Variants in MROH2A observed in about 807,000 individuals in gnomAD.
MROH2A encodes maestro heat-like repeat-containing protein family member 2A.
Under a neutral mutation model 200.4 loss-of-function variants are expected in MROH2A, and 174 were observed. The observed-to-expected ratio is 0.87, with a 90% CI of 0.77 to 0.98. The LOEUF (loss-of-function observed/expected upper bound fraction) is 0.98. MROH2A is among the 50% of genes least tolerant of loss of function. The pLI is 0.00. For synonymous variants in MROH2A, 829 were observed against 840.4 expected, an observed-to-expected ratio of 0.99 and a Z score of 0.23; for missense variants, 2,045 against 2,139.6, an observed-to-expected ratio of 0.96 and a Z score of 0.87.
intron 17 of MROH2A, 110 bp downstream of exon 17, chr2:233,804,302 A>C (rs532596064): frequency 4.1e-6 from 6 of 1,461,694 alleles, no homozygotes; most frequent in Middle Eastern, 2.1e-4. Flanking sequence ...GTTGACCCAC[A>C]CAGCCAGCCC....
At chr2:233,816,109 C>T (rs1399488206) in intron 26 of MROH2A, among the ~76,000 whole-genome samples, 2 of 152,048 alleles carry the variant, frequency 1.3e-5, no homozygotes. Flanking sequence ...TGCCCAGATA[C>T]CATCTATCTT....
intron 3 of MROH2A, among the ~76,000 whole-genome samples, chr2:233,788,651 T>C (rs1701521415): frequency 6.6e-6 from 1 of 151,910 alleles, no homozygotes; most frequent in African/African-American, 2.4e-5. Context: ...TAAGAGTGGC[T>C]TGTCAGCCGG....
In MROH2A at chr2:233,819,519, G is replaced by T. The variant is rs957857001; in HGVS notation, c.3357+50G>T. The T allele has an allele frequency of 3.3e-6, 5 of 1,531,464 alleles. No homozygotes were observed. In the African/African-American group the frequency reaches 6.9e-5, roughly 21 times the overall value. The allele number at this position is 1,531,464 out of a possible 1,614,324, so 94.9% of individuals were successfully genotyped here. A position where few individuals can be genotyped will look rare whatever the true frequency, so the allele number is the denominator to read the frequency against. ...CAGAGAGAGGGGCTGGGGCTGCCTG[G>T]TGTGCCCAGATGAGAGGGAAGGACG... On this transcript the variant is annotated intron_variant, in intron 30 of 41. Transcript: ENST00000389758.
rs994624741 is a variant in MROH2A at position 233,805,045 on chromosome 2, G to A, written c.1986G>A (p.Trp662Ter). 3.9e-6 allele frequency: 6 copies of A among 1,550,336 alleles called. No individual in the cohort carries two copies. In the South Asian group the frequency reaches 7.1e-5, roughly 18 times the overall value. Residue 662 changes from tryptophan (W) to a stop codon, truncating the protein, a stop_gained, in exon 19 of 42, where the codon TGG (tryptophan) becomes TGA (stop). Transcript: ENST00000389758. LOFTEE classifies it high-confidence loss of function. Reference sequence around the variant, plus strand: ...TCAAGAAGACCCGGGGGTCTAGCTGGAGCCTGCGCTTGAGTAAAGAGCTGA... The same window carrying A: ...TCAAGAAGACCCGGGGGTCTAGCTGAAGCCTGCGCTTGAGTAAAGAGCTGA... Reference protein sequence around the residue: ...NSLKKTRGSSWSLRLSKELNN... With the variant: ...NSLKKTRGSS
Position 233,831,434 on chromosome 2 carries a change from G to C in MROH2A, c.4628G>C (p.Cys1543Ser). ...GCCTGTATGGCTACCATGTTTCAGTGTGTGCACTTCTGGGGCTGGAAGTCC... is the reference window on the plus strand; with the variant it reads ...GCCTGTATGGCTACCATGTTTCAGTCTGTGCACTTCTGGGGCTGGAAGTCC... The part of the protein sequence containing the change: ...AQACMATMFQ[C>S]VHFWGWKSLE... The change falls in exon 39 of 42, where the codon TGT (cysteine) becomes TCT (serine). Residue 1543 changes from cysteine to serine, a missense_variant. Physicochemically the swap from Cys to Ser is moderately radical, Grantham distance 112 (BLOSUM62 -1). Transcript: ENST00000389758. The C allele has an allele frequency of 6.5e-7, 1 of 1,550,370 alleles. No homozygotes were observed. Among genetic ancestry groups the C allele is most frequent in the Non-Finnish European group, 8.7e-7 (1 of 1,146,880 alleles).
chr2:233,810,171 A>G (rs1483839854), intron 22 of MROH2A, among the ~76,000 whole-genome samples: 1 of 152,110 alleles, frequency 6.6e-6, no homozygotes, highest in Non-Finnish European at 1.5e-5. Flanking sequence ...TGCCCTCAGG[A>G]GGCTTGGGAA....
Position 233,802,282 on chromosome 2 carries a change from G to A in MROH2A, c.1675G>A (p.Val559Met), listed in dbSNP as rs1257109900. The A allele has an allele frequency of 6.4e-7, 1 of 1,550,488 alleles. No homozygotes were observed. Among genetic ancestry groups the A allele is most frequent in the Non-Finnish European group, 8.7e-7 (1 of 1,146,832 alleles). The change falls in exon 15 of 42, where the codon GTG becomes ATG. Residue 559 changes from valine (V) to methionine (M), a missense_variant. Val to Met is a conservative substitution (Grantham distance 21). Around this residue, in one of 3 missense-constraint regions of MROH2A, gnomAD observed 831 missense variants for 800.0 expected, o/e 1.04. Coordinates refer to ENST00000389758, the MANE Select transcript of MROH2A (RefSeq NM_001394639.1). ...AGAACACCAGCTCCATGGCCAGGAT[G>A]TGGATGTCAGCGTGGCTGGCAAGAG... ...LAEHQLHGQD[V>M]DVSVAGKSRQ... is the part of the protein sequence containing the mutation.
intron 8 of MROH2A, among the ~76,000 whole-genome samples, chr2:233,795,426 C>T (rs547990011): frequency 1.5e-4 from 23 of 152,150 alleles, no homozygotes; most frequent in African/African-American, 3.4e-4. Context: ...AGGGGCCTAG[C>T]GCAGCACTTC....
rs559079967 is a variant in MROH2A, at chr2:233,819,940, G to A, written c.3396G>A (p.Pro1132=). ...EILSAILVHL[P]VVDHPEVRRL... is the part of the protein sequence containing the mutation. Reference sequence around the variant, plus strand: ...TGAGTGCCATCCTGGTGCACCTGCCGGTGGTGGACCACCCAGAGGTGCGGC... The same window carrying A: ...TGAGTGCCATCCTGGTGCACCTGCCAGTGGTGGACCACCCAGAGGTGCGGC... The change falls in exon 31 of 42, where the codon CCG becomes CCA. Residue 1132 remains proline (P), a synonymous_variant. Transcript: ENST00000389758. The A allele has an allele frequency of 1.6e-5, 24 of 1,535,616 alleles. No individual in the cohort carries two copies. Among genetic ancestry groups the A allele is most frequent in the Middle Eastern group, 1.7e-4 (1 of 5,924 alleles).
chr2:233,794,035 G>A (rs1394949624), intron 7 of MROH2A, among the ~76,000 whole-genome samples: 2 of 152,188 alleles, frequency 1.3e-5, no homozygotes, highest in Non-Finnish European at 2.9e-5. Flanking sequence ...GCTTGATGAA[G>A]GTTGGTGATA....
intron 5 of MROH2A, among the ~76,000 whole-genome samples, chr2:233,791,713 C>T (rs1357311384): frequency 6.6e-6 from 1 of 152,102 alleles, no homozygotes; most frequent in African/African-American, 2.4e-5. Flanking sequence ...TGAGGCCTGG[C>T]ACAGGGAGAA....
chr2:233,832,762 GT>G, intron 41 of MROH2A, 118 bp downstream of exon 41: 1 of 633,350 alleles, frequency 1.6e-6, no homozygotes, highest in Non-Finnish European at 2.8e-6. Context: ...TTTCGGGGGG[GT>G]GGGAGTGCAA....
intron 6 of MROH2A, among the ~76,000 whole-genome samples, chr2:233,793,232 C>T (rs1299895705): frequency 6.6e-6 from 1 of 152,232 alleles, no homozygotes; most frequent in Non-Finnish European, 1.5e-5. Flanking sequence ...GGGAAAACGG[C>T]TCCATGTGGA....
chr2:233,810,387 A>G (rs1703079161), intron 22 of MROH2A, among the ~76,000 whole-genome samples: 1 of 152,210 alleles, frequency 6.6e-6, no homozygotes, highest in Non-Finnish European at 1.5e-5. Flanking sequence ...ACCCCTGATA[A>G]ACCCATCAGA....
At chr2:233,787,508 TTA>T (rs1701275341) in intron 3 of MROH2A, among the ~76,000 whole-genome samples, 1 of 126,090 alleles carries the variant, frequency 7.9e-6, no homozygotes, top group Non-Finnish European at 1.6e-5. Flanking sequence ...TACATATATA[TTA>T]TATATACATA....
At chr2:233,787,912 TTA>T (rs368876131) in intron 3 of MROH2A, among the ~76,000 whole-genome samples, 50 of 1,088 alleles carry the variant, frequency 0.046, 4 homozygotes, top group South Asian at 0.2. Flanking sequence ...TACATATATA[TTA>T]TATATATACA....
At chr2:233,790,741 C>T (rs533940393) in intron 5 of MROH2A, among the ~76,000 whole-genome samples, 8 of 150,888 alleles carry the variant, frequency 5.3e-5, no homozygotes, top group East Asian at 2.0e-4. Flanking sequence ...CAGAAGCATG[C>T]GCTGAGCTCC....
intron 4 of MROH2A, 57 bp from the exon 5 acceptor site, chr2:233,789,795 T>C: frequency 6.6e-7 from 1 of 1,510,550 alleles, no homozygotes; most frequent in Non-Finnish European, 8.9e-7. Flanking sequence ...GGTAGGAAGG[T>C]TTTCCTGGAG....
At chr2:233,791,302 G>A (rs1027205108) in intron 5 of MROH2A, among the ~76,000 whole-genome samples, 1 of 152,160 alleles carries the variant, frequency 6.6e-6, no homozygotes, top group Non-Finnish European at 1.5e-5. Context: ...GGCTGGGCTG[G>A]GAAGCATGTG....
Sources: gnomAD v4.1 joint callset for allele counts (sites outside exome capture counted in the v4.1 genomes callset) on GRCh38, gnomAD v4.1.1 for gene constraint, gnomAD v4.1.1 regional missense constraint, MANE v1.5 for transcripts, NCBI Gene and HGNC (gene_info 2026-07-23, HGNC 2026-07-21) for gene names.